The following GPC5 variants were observed in gnomAD, a reference collection of about 807,000 sequenced individuals.
GPC5 encodes the protein glypican-5.
In GPC5, 47 loss-of-function variants were observed where a neutral mutation model predicts 53.9. That is an observed-to-expected ratio of 0.87 (90% CI 0.69 to 1.11). GPC5 has a LOEUF of 1.11. GPC5 is among the 50% of genes most tolerant of loss of function. The pLI, the probability that GPC5 is intolerant of heterozygous loss-of-function variation, is 0.00. For synonymous variants in GPC5, 286 were observed against 263.3 expected (o/e 1.09, Z -0.84); for missense variants, 748 against 713.1 (o/e 1.05, Z -0.56).
At chr13:92,087,810 G>T (rs571555673) in intron 6 of GPC5, among the ~76,000 whole-genome samples, 20 of 152,174 alleles carry the variant, frequency 1.3e-4, no homozygotes, top group African/African-American at 4.8e-4. Flanking sequence ...AATGATTGAG[G>T]TAGAATGACA....
At chr13:92,115,127 T>G (rs1489111696) in intron 6 of GPC5, among the ~76,000 whole-genome samples, 1 of 152,228 alleles carries the variant, frequency 6.6e-6, no homozygotes, top group Non-Finnish European at 1.5e-5. Flanking sequence ...TTATGTGATT[T>G]ATATAGGATA....
chr13:91,816,400 A>G (rs2038400833), intron 5 of GPC5, among the ~76,000 whole-genome samples: 1 of 152,152 alleles, frequency 6.6e-6, no homozygotes, highest in South Asian at 2.1e-4. Flanking sequence ...CACATGAAGA[A>G]TGTGATGGAT....
At position 91,915,321 on chromosome 13, in the gene GPC5, AC is replaced by A. The variant is rs1484349490; in HGVS notation, c.1401+7265del. ...CTTTCTGGAATGGGTGGTATAATGC[AC>A]TGACTTCACTATTAGACATTTCATT... On this transcript the variant is annotated intron_variant, in intron 6 of 7. Transcript: ENST00000377067. Among the ~76,000 whole-genome samples the A allele has an allele frequency of 7.2e-5, 11 of 152,182 alleles. No individual in the cohort carries two copies. The East Asian group carries it at 1.2e-3, about 16-fold the overall frequency.
At chr13:91,681,892 C>T (rs1196086619) in intron 2 of GPC5, among the ~76,000 whole-genome samples, 1 of 152,146 alleles carries the variant, frequency 6.6e-6, no homozygotes, top group Non-Finnish European at 1.5e-5. Context: ...TCTTAATGTG[C>T]TAATTAACAG....
At chr13:92,148,194 A>C (rs1277629256) in intron 7 of GPC5, among the ~76,000 whole-genome samples, 1 of 152,068 alleles carries the variant, frequency 6.6e-6, no homozygotes, top group Non-Finnish European at 1.5e-5. Flanking sequence ...TAATACTAAT[A>C]TTGTATCTTT....
At chr13:91,988,873 G>T (rs968449960) in intron 6 of GPC5, among the ~76,000 whole-genome samples, 4 of 151,934 alleles carry the variant, frequency 2.6e-5, no homozygotes, top group African/African-American at 9.7e-5. Flanking sequence ...GAGTGTTTTA[G>T]ATTTGAAATA....
intron 7 of GPC5, among the ~76,000 whole-genome samples, chr13:92,507,977 G>A (rs1594259825): frequency 6.6e-6 from 1 of 151,938 alleles, no homozygotes; most frequent in South Asian, 2.1e-4. Context: ...TTAGTTTTTT[G>A]TTGTTGAGCT....
At chr13:91,436,732 T>G (rs1284992596) in intron 1 of GPC5, among the ~76,000 whole-genome samples, 1 of 152,216 alleles carries the variant, frequency 6.6e-6, no homozygotes, top group East Asian at 1.9e-4. Flanking sequence ...GTTCAGTTCC[T>G]GGATATCCTT....
At chr13:91,810,379 T>C (rs769322810) in intron 5 of GPC5, among the ~76,000 whole-genome samples, 2 of 151,996 alleles carry the variant, frequency 1.3e-5, no homozygotes, top group Non-Finnish European at 2.9e-5. Flanking sequence ...GAATATTAAG[T>C]CATAATACCT....
At chr13:92,587,892 T>TG (rs1446543239) in intron 7 of GPC5, among the ~76,000 whole-genome samples, 1 of 147,380 alleles carries the variant, frequency 6.8e-6, no homozygotes, top group Non-Finnish European at 1.5e-5. Context: ...TTTTTTGGGG[T>TG]TTTTTTTTTG....
chr13:92,456,154 A>G (rs1050978519), intron 7 of GPC5, among the ~76,000 whole-genome samples: 5 of 152,040 alleles, frequency 3.3e-5, no homozygotes, highest in African/African-American at 1.2e-4. Context: ...CCAAAAGTTG[A>G]TTTTCCCAGA....
In GPC5 at chr13:92,843,524, C is replaced by G. The variant is rs1308806386; in HGVS notation, c.1562-22758C>G. 3.9e-5 allele frequency among the ~76,000 whole-genome samples: 6 copies of G among 152,168 alleles called. No homozygotes were observed. In the East Asian group the frequency reaches 1.2e-3, roughly 29 times the overall value. ...ATTTCCAAAGGCATCCACCATCCCT[C>G]CACTCTTTTGGTATTCTTAGAGAGA... On this transcript the variant is annotated intron_variant, in intron 7 of 7. Transcript: ENST00000377067.
intron 3 of GPC5, among the ~76,000 whole-genome samples, chr13:91,694,824 G>C (rs909870058): frequency 6.6e-6 from 1 of 152,282 alleles, no homozygotes; most frequent in South Asian, 2.1e-4. Context: ...GGTCAGGCTG[G>C]TCTCGAACTC....
chr13:91,512,489 C>G (rs761421714), intron 2 of GPC5, among the ~76,000 whole-genome samples: 67 of 152,230 alleles, frequency 4.4e-4, no homozygotes, highest in Non-Finnish European at 7.8e-4. Flanking sequence ...TTGAGGGATT[C>G]TCTCAGCTAT....
intron 6 of GPC5, among the ~76,000 whole-genome samples, chr13:92,062,808 T>A (rs2138855146): frequency 6.6e-6 from 1 of 152,140 alleles, no homozygotes; most frequent in Non-Finnish European, 1.5e-5. Flanking sequence ...ATTTTCCTTT[T>A]ATTCCTTATT....
At chr13:91,797,459 C>T (rs9523417) in intron 5 of GPC5, among the ~76,000 whole-genome samples, 49,548 of 151,996 alleles carry the variant, frequency 0.33, 9,537 homozygotes, top group East Asian at 0.65. Flanking sequence ...ATTAAAATTC[C>T]GAATTTTTGT....
At chr13:92,465,075 T>C (rs1175979675) in intron 7 of GPC5, among the ~76,000 whole-genome samples, 1 of 151,954 alleles carries the variant, frequency 6.6e-6, no homozygotes, top group African/African-American at 2.4e-5. Flanking sequence ...AGCCAGAATT[T>C]GCAAAATTAG....
chr13:92,654,016 C>G (rs1394029266), intron 7 of GPC5, among the ~76,000 whole-genome samples: 2 of 152,178 alleles, frequency 1.3e-5, no homozygotes, highest in Non-Finnish European at 2.9e-5. Context: ...CCCACACTAT[C>G]CCCCACAAAT....
chr13:91,876,538 G>A (rs1329886117), intron 5 of GPC5, among the ~76,000 whole-genome samples: 1 of 152,152 alleles, frequency 6.6e-6, no homozygotes, highest in Admixed American at 6.5e-5. Flanking sequence ...CTAGAGATTT[G>A]TGGAACTTTG....
Sources: gnomAD v4.1 joint callset for allele counts (sites outside exome capture counted in the v4.1 genomes callset) on GRCh38, gnomAD v4.1.1 for gene constraint, MANE v1.5 for transcripts, NCBI Gene and HGNC (gene_info 2026-07-23, HGNC 2026-07-21) for gene names.